The following SUV39H2 variants were observed in gnomAD, a reference collection of about 807,000 sequenced individuals.
The protein encoded by SUV39H2 is SUV39H2 histone lysine methyltransferase.
SUV39H2 carries 10 observed loss-of-function variants against 47.5 expected under a neutral mutation model. The ratio of observed to expected loss-of-function variants is 0.21; its 90% confidence interval spans 0.13 to 0.36. The LOEUF (loss-of-function observed/expected upper bound fraction) is 0.36. SUV39H2 is among the 10% of genes least tolerant of loss of function. SUV39H2 has a pLI of 1.00. For missense variants in SUV39H2, 266 were observed against 487.4 expected (o/e 0.55, Z 4.28); for synonymous variants, 159 against 166.8 (o/e 0.95, Z 0.36).
At chr10:14,901,366 A>C in intron 5 of SUV39H2, 104 bp downstream of exon 5, 1 of 1,474,922 alleles carries the variant, frequency 6.8e-7, no homozygotes, top group Non-Finnish European at 9.2e-7. Context: ...AATACTAAAG[A>C]TGAAAAGTTG....
chr10:14,879,041 C>T, intron 1 of SUV39H2, 122 bp downstream of exon 1: 1 of 1,317,804 alleles, frequency 7.6e-7, no homozygotes. Flanking sequence ...CCCGCCGCGA[C>T]CCCAACTCCG....
chr10:14,895,763 A>G (rs1322995458), intron 2 of SUV39H2, among the ~76,000 whole-genome samples: 1 of 152,246 alleles, frequency 6.6e-6, no homozygotes, highest in East Asian at 1.9e-4. Context: ...TCTACTAACC[A>G]CATTGAACAA....
intron 2 of SUV39H2, among the ~76,000 whole-genome samples, chr10:14,882,857 T>G (rs1833080285): frequency 6.6e-6 from 1 of 151,538 alleles, no homozygotes; most frequent in Admixed American, 6.6e-5. Context: ...ATCTACCCCC[T>G]ATAGGAGTTT....
intron 2 of SUV39H2, among the ~76,000 whole-genome samples, chr10:14,882,510 T>A (rs1301062061): frequency 2.0e-5 from 3 of 152,226 alleles, no homozygotes; most frequent in African/African-American, 7.2e-5. Context: ...TCATCTGCCA[T>A]CTCAGTTTAC....
chr10:14,885,978 G>A (rs1403846282), intron 2 of SUV39H2, among the ~76,000 whole-genome samples: 1 of 152,160 alleles, frequency 6.6e-6, no homozygotes, highest in Non-Finnish European at 1.5e-5. Context: ...AGACATGTTA[G>A]CATAGGACCA....
At chr10:14,901,994 T>C (rs1034351014) in intron 5 of SUV39H2, among the ~76,000 whole-genome samples, 2 of 152,238 alleles carry the variant, frequency 1.3e-5, no homozygotes, top group Non-Finnish European at 2.9e-5. Flanking sequence ...TATAAATGTT[T>C]TCTTTCCTTT....
At chr10:14,901,877 A>G (rs780235170) in intron 5 of SUV39H2, among the ~76,000 whole-genome samples, 1 of 152,202 alleles carries the variant, frequency 6.6e-6, no homozygotes, top group Non-Finnish European at 1.5e-5. Flanking sequence ...TGAGAGATGT[A>G]TATTCAAAAG....
Position 14,881,515 on chromosome 10 carries a change from G to A in SUV39H2, c.47G>A (p.Cys16Tyr). 6.4e-7 allele frequency: 1 copy of A among 1,573,262 alleles called. No homozygotes were observed. The highest frequency in any genetic ancestry group is 8.6e-7 in the Non-Finnish European group (1 of 1,163,882). Residue 16 changes from cysteine (C) to tyrosine (Y), a missense_variant, in exon 2 of 6, where the codon TGC (cysteine) becomes TAC (tyrosine). Transcript: ENST00000354919. ...CTTATTGTAGCTTGGTGTGTGCCTTGCCTAGTTTCACTTGATACTCTTCAG... is the reference window on the plus strand; with the variant it reads ...CTTATTGTAGCTTGGTGTGTGCCTTACCTAGTTTCACTTGATACTCTTCAG... ...AEARGAWCVP[C>Y]LVSLDTLQEL...
intron 3 of SUV39H2, chr10:14,899,094 A>G: frequency 1.6e-6 from 1 of 624,672 alleles, no homozygotes; most frequent in Non-Finnish European, 2.9e-6. Flanking sequence ...TCAAGGCTGG[A>G]GGCTCACTTG....
At chr10:14,892,687 G>C (rs1467039975) in intron 2 of SUV39H2, among the ~76,000 whole-genome samples, 4 of 152,100 alleles carry the variant, frequency 2.6e-5, no homozygotes, top group Non-Finnish European at 5.9e-5. Flanking sequence ...TTCCCTAAGA[G>C]ATTTTACTCC....
chr10:14,888,801 G>C (rs768618671), intron 2 of SUV39H2, among the ~76,000 whole-genome samples: 7 of 151,436 alleles, frequency 4.6e-5, no homozygotes, highest in Non-Finnish European at 7.4e-5. Flanking sequence ...AGAGCCAAAG[G>C]AATGAATTAA....
In SUV39H2 at chr10:14,903,807, AT is replaced by A. The variant is rs1834176955; in HGVS notation, c.*1297del. 1 of 152,192 alleles carries A rather than the reference AT, an allele frequency of 6.6e-6. No individual in the cohort carries two copies. Among genetic ancestry groups the A allele is most frequent in the Non-Finnish European group, 1.5e-5 (1 of 68,028 alleles). 9.4% of individuals were successfully genotyped at this position (152,192 alleles called of 1,614,324 possible). On this transcript the variant is annotated 3_prime_UTR_variant, in exon 6 of 6. Transcript: ENST00000354919. ...GTATTCCTAATTTTTACCTAAGCTC[AT>A]TGCTCCAGGCTTTGATTACCTAAAA...
chr10:14,880,945 A>G (rs1030217751), intron 1 of SUV39H2, among the ~76,000 whole-genome samples: 4 of 152,238 alleles, frequency 2.6e-5, no homozygotes, highest in Non-Finnish European at 5.9e-5. Flanking sequence ...TTCATGCAAC[A>G]TATCAAAGAG....
intron 2 of SUV39H2, among the ~76,000 whole-genome samples, chr10:14,894,145 G>A (rs1232425194): frequency 3.3e-5 from 5 of 151,964 alleles, no homozygotes; most frequent in African/African-American, 1.2e-4. Flanking sequence ...CTGAATTGTA[G>A]CGGTCACCTG....
chr10:14,903,151 C>A lies in SUV39H2; in HGVS notation c.*639C>A, dbSNP rs2131730894. The A allele has an allele frequency of 6.6e-6, 1 of 152,256 alleles. No individual in the cohort carries two copies. The highest frequency in any genetic ancestry group is 2.4e-5 in the African/African-American group (1 of 41,556). 9.4% of individuals were successfully genotyped at this position (152,256 alleles called of 1,614,324 possible). ...TGTTGTGATGAGTGTATGTCTGAACCTGTAATTCTTAAAAGACTTCTTAAT... is the reference window on the plus strand; with the variant it reads ...TGTTGTGATGAGTGTATGTCTGAACATGTAATTCTTAAAAGACTTCTTAAT... On this transcript the variant is annotated 3_prime_UTR_variant, in exon 6 of 6. Coordinates refer to ENST00000354919, the MANE Select transcript of SUV39H2 (RefSeq NM_001193424.2).
At chr10:14,900,442 A>G (rs933234060) in intron 4 of SUV39H2, among the ~76,000 whole-genome samples, 2 of 152,212 alleles carry the variant, frequency 1.3e-5, no homozygotes, top group South Asian at 2.1e-4. Flanking sequence ...GATGGATTTC[A>G]TAGTAAGAAA....
At chr10:14,884,695 A>G (rs1833150173) in intron 2 of SUV39H2, among the ~76,000 whole-genome samples, 2 of 152,146 alleles carry the variant, frequency 1.3e-5, no homozygotes, top group Admixed American at 6.5e-5. Flanking sequence ...AAGACCTTGC[A>G]TCTTATTCAA....
Position 14,899,522 on chromosome 10 carries a change from C to A in SUV39H2, c.850-17C>A, listed in dbSNP as rs745322597. On this transcript the variant is annotated splice_polypyrimidine_tract_variant and intron_variant, in intron 3 of 5. Coordinates refer to ENST00000354919, the MANE Select transcript of SUV39H2 (RefSeq NM_001193424.2). ...GTTCAGTAGCTACGTAATATACTTACAGTTTTTTCTGTTTAGGTAATCACA... is the reference window on the plus strand; with the variant it reads ...GTTCAGTAGCTACGTAATATACTTAAAGTTTTTTCTGTTTAGGTAATCACA... 5.0e-6 allele frequency: 8 copies of A among 1,612,782 alleles called. No individual in the cohort carries two copies. The highest frequency in any genetic ancestry group is 1.6e-4 in the Middle Eastern group (1 of 6,078).
chr10:14,878,985 G>A, intron 1 of SUV39H2, 66 bp downstream of exon 1: 2 of 1,346,162 alleles, frequency 1.5e-6, no homozygotes, highest in Non-Finnish European at 1.9e-6. Context: ...CCCGGGCGGC[G>A]GGGCCGTCCC....
Sources: gnomAD v4.1 joint callset for allele counts (sites outside exome capture counted in the v4.1 genomes callset) on GRCh38, gnomAD v4.1.1 for gene constraint, MANE v1.5 for transcripts, NCBI Gene and HGNC (gene_info 2026-07-23, HGNC 2026-07-21) for gene names.